Variants in IGFL2 observed in about 807,000 individuals in gnomAD.
The protein encoded by IGFL2 is IGF like family member 2, also known as insulin growth factor-like family member 2.
In IGFL2, 7 loss-of-function variants were observed where a neutral mutation model predicts 13.9. The observed-to-expected ratio is 0.51, with a 90% CI of 0.29 to 0.95. The LOEUF (loss-of-function observed/expected upper bound fraction) is 0.95. Among genes scored for constraint, IGFL2 ranks in the 40% least tolerant of loss-of-function variants. The probability of loss-of-function intolerance (pLI) is 0.08; values close to 1 mark genes in which losing one functional copy is unlikely to be tolerated. For synonymous variants in IGFL2, 55 were observed against 55.8 expected (o/e 0.99, Z 0.07); for missense variants, 138 against 147.8 (o/e 0.93, Z 0.34).
downstream of IGFL2, among the ~76,000 whole-genome samples, chr19:46,165,065 C>T (rs141509605): frequency 6.6e-6 from 1 of 152,136 alleles, no homozygotes; most frequent in Non-Finnish European, 1.5e-5. Context: ...CTTGTTAGGC[C>T]CTTGTACTGC....
chr19:46,153,555 A>AC (rs1973630487), intron 1 of IGFL2, among the ~76,000 whole-genome samples: 1 of 152,102 alleles, frequency 6.6e-6, no homozygotes, highest in South Asian at 2.1e-4. Flanking sequence ...CAATACAATT[A>AC]TGTACATATT....
chr19:46,151,728 T>C (rs1973504733), intron 1 of IGFL2, among the ~76,000 whole-genome samples: 1 of 152,110 alleles, frequency 6.6e-6, no homozygotes, highest in Admixed American at 6.5e-5. Flanking sequence ...CTGGGCCATA[T>C]GGTGAGACCA....
chr19:46,128,917 T>A, the IGFL2 span, among the ~76,000 whole-genome samples: 1 of 152,194 alleles, frequency 6.6e-6, no homozygotes, highest in East Asian at 1.9e-4. Flanking sequence ...TCAGTAGGAA[T>A]GGTACCAGCT....
chr19:46,137,360 C>T, the IGFL2 span: 2 of 1,139,158 alleles, frequency 1.8e-6, no homozygotes, highest in Non-Finnish European at 2.7e-6. Flanking sequence ...GAACCAGTTA[C>T]AGACCTGTAG....
At chr19:46,168,909 T>C in the IGFL2 span, among the ~76,000 whole-genome samples, 2 of 128,026 alleles carry the variant, frequency 1.6e-5, no homozygotes, top group African/African-American at 5.6e-5. Flanking sequence ...AGTGTGTGTG[T>C]GTGTGTATGT....
chr19:46,132,201 C>T, the IGFL2 span, among the ~76,000 whole-genome samples: 2 of 152,098 alleles, frequency 1.3e-5, no homozygotes, highest in Admixed American at 6.5e-5. Context: ...TGGCATGCTA[C>T]GGTTTTGGGT....
intron 2 of IGFL2, 62 bp downstream of exon 2, chr19:46,160,530 G>T: frequency 2.5e-6 from 4 of 1,612,332 alleles, no homozygotes; most frequent in South Asian, 1.1e-5. Context: ...GTGGGCATGG[G>T]GGTTCACAGA....
the IGFL2 span, among the ~76,000 whole-genome samples, chr19:46,215,356 A>G: frequency 1.3e-5 from 2 of 152,160 alleles, no homozygotes; most frequent in Admixed American, 6.5e-5. Flanking sequence ...AATCTTCATA[A>G]AATATACATG....
In IGFL2 at chr19:46,158,072, A is replaced by G. The variant is rs370850084; in HGVS notation, c.20-2343A>G. ...AATGAAAAAGTTAGGTGTAAATCTA[A>G]CAAAACATGTACAGGACTTATATGC... On this transcript the variant is annotated intron_variant, in intron 1 of 3. Transcript: ENST00000377693. Among the ~76,000 whole-genome samples, 7 of 152,354 alleles carry G rather than the reference A, an allele frequency of 4.6e-5. No individual in the cohort carries two copies. The South Asian group carries it at 6.2e-4, about 14-fold the overall frequency.
At chr19:46,102,365 C>G in the IGFL2 span, among the ~76,000 whole-genome samples, 1 of 152,148 alleles carries the variant, frequency 6.6e-6, no homozygotes, top group East Asian at 1.9e-4. Flanking sequence ...GAGTTAGGAG[C>G]AATTTTGTTG....
chr19:46,154,992 C>T (rs1973734185), intron 1 of IGFL2, among the ~76,000 whole-genome samples: 2 of 152,082 alleles, frequency 1.3e-5, no homozygotes, highest in African/African-American at 4.8e-5. Context: ...CTAGCTTCTC[C>T]TGCAGCGATG....
At chr19:46,176,184 CAAAAA>C in the IGFL2 span, among the ~76,000 whole-genome samples, 1,186 of 117,522 alleles carry the variant, frequency 0.01, 14 homozygotes, top group African/African-American at 0.036. Flanking sequence ...AAATTAATGC[CAAAAA>C]AAAAAAAAGA....
chr19:46,173,666 C>T, the IGFL2 span: 6 of 152,332 alleles, frequency 3.9e-5, no homozygotes, highest in South Asian at 8.3e-4. Context: ...GGCACCAAGA[C>T]ATTTGTGAGG....
the IGFL2 span, among the ~76,000 whole-genome samples, chr19:46,103,249 TAC>T: frequency 2.5e-4 from 38 of 152,070 alleles, no homozygotes; most frequent in Middle Eastern, 3.2e-3. Context: ...TTAAAAAATA[TAC>T]AGAGTCCCCT....
the IGFL2 span, among the ~76,000 whole-genome samples, chr19:46,102,377 G>A: frequency 2.6e-5 from 4 of 152,158 alleles, no homozygotes; most frequent in Admixed American, 6.5e-5. Flanking sequence ...ATTTTGTTGC[G>A]GGCAGCGGGT....
downstream of IGFL2, chr19:46,164,272 A>G (rs1208028362): frequency 1.4e-5 from 2 of 141,360 alleles, no homozygotes; most frequent in African/African-American, 5.4e-5. Flanking sequence ...GGGACATTCC[A>G]CCCAGTGAGG....
the IGFL2 span, among the ~76,000 whole-genome samples, chr19:46,134,408 C>T: frequency 2.6e-5 from 4 of 152,004 alleles, no homozygotes; most frequent in Admixed American, 2.0e-4. Flanking sequence ...TAATTGTGGA[C>T]TTTATGTCTA....
At chr19:46,182,164 C>T in the IGFL2 span, among the ~76,000 whole-genome samples, 4,071 of 151,996 alleles carry the variant, frequency 0.027, 179 homozygotes, top group African/African-American at 0.091. Flanking sequence ...GTCAGGAGTT[C>T]GAGATGAGCC....
the IGFL2 span, among the ~76,000 whole-genome samples, chr19:46,133,631 C>T: frequency 1.1e-4 from 16 of 152,184 alleles, no homozygotes; most frequent in Middle Eastern, 3.2e-3. Context: ...TAGCTAAGAA[C>T]GCAGAGTATA....
Sources: gnomAD v4.1 joint callset for allele counts (sites outside exome capture counted in the v4.1 genomes callset) on GRCh38, gnomAD v4.1.1 for gene constraint, MANE v1.5 for transcripts, NCBI Gene and HGNC (gene_info 2026-07-23, HGNC 2026-07-21) for gene names.